The following SLC35F1 variants were observed in gnomAD, a reference collection of about 807,000 sequenced individuals.
The protein encoded by SLC35F1 is solute carrier family 35 member F1.
A neutral mutation model predicts 48.7 loss-of-function variants in SLC35F1; 14 were observed. The ratio of observed to expected loss-of-function variants is 0.29; its 90% CI spans 0.19 to 0.45. The LOEUF is 0.45. SLC35F1 is among the 20% of genes least tolerant of loss of function. SLC35F1 has a pLI of 1.00. For missense variants in SLC35F1, 404 were observed against 500.0 expected (o/e 0.81, Z 1.83); for synonymous variants, 190 against 202.2 (o/e 0.94, Z 0.51).
At chr6:118,182,519 A>AGAGAAGGAAGGAAGGAAGGAAGGAAG (rs1554234198) in intron 2 of SLC35F1, among the ~76,000 whole-genome samples, 18 of 106,308 alleles carry the variant, frequency 1.7e-4, no homozygotes, top group Non-Finnish European at 2.6e-4. Flanking sequence ...AGAGAGAGAG[A>AGAGAAGGAAGGAAGGAAGGAAGGAAG]GAAGGAAGGA....
At chr6:118,095,747 A>C (rs192267776) in intron 1 of SLC35F1, among the ~76,000 whole-genome samples, 1 of 152,294 alleles carries the variant, frequency 6.6e-6, no homozygotes, top group East Asian at 1.9e-4. Context: ...GCCTGAAATT[A>C]TTGGTGATGG....
At chr6:118,081,948 T>C (rs1772914862) in intron 1 of SLC35F1, among the ~76,000 whole-genome samples, 1 of 152,222 alleles carries the variant, frequency 6.6e-6, no homozygotes, top group African/African-American at 2.4e-5. Context: ...CCATAAAAAC[T>C]TTTAAAGACC....
chr6:118,206,239 A>G lies in SLC35F1; in HGVS notation c.350-29270A>G, dbSNP rs988616344. On this transcript the variant is annotated intron_variant, in intron 2 of 7. Coordinates refer to ENST00000360388, the MANE Select transcript of SLC35F1 (RefSeq NM_001029858.4). ...CCACTACACTTTGATTCCCTTTTCT[A>G]TATAGCTGATGGTCTGGTTTTTATG... Among the ~76,000 whole-genome samples the G allele has an allele frequency of 1.4e-4, 21 of 152,178 alleles. 1 individual carries two copies. Among genetic ancestry groups the G allele is most frequent in the Admixed American group, 8.5e-4 (13 of 15,278 alleles).
At chr6:118,250,670 G>T (rs1775561160) in intron 3 of SLC35F1, among the ~76,000 whole-genome samples, 1 of 152,124 alleles carries the variant, frequency 6.6e-6, no homozygotes, top group Admixed American at 6.5e-5. Flanking sequence ...GGAACAACAT[G>T]TAGAAAGAAA....
At chr6:118,233,262 G>A (rs2114580414) in intron 2 of SLC35F1, among the ~76,000 whole-genome samples, 1 of 152,364 alleles carries the variant, frequency 6.6e-6, no homozygotes, top group African/African-American at 2.4e-5. Context: ...ACCGCGCCCA[G>A]CCAGGACTTT....
At chr6:118,285,470 C>A in intron 7 of SLC35F1, 132 bp downstream of exon 7, 1 of 991,040 alleles carries the variant, frequency 1.0e-6, no homozygotes, top group Non-Finnish European at 1.5e-6. Flanking sequence ...TGCTAACCTC[C>A]ATGATTTAGG....
chr6:118,028,341 C>T (rs928140878), intron 1 of SLC35F1, among the ~76,000 whole-genome samples: 2 of 151,798 alleles, frequency 1.3e-5, no homozygotes, highest in East Asian at 1.9e-4. Flanking sequence ...GACTGGGAGG[C>T]TCTGGAGAGG....
chr6:117,930,477 G>C (rs1416857710), intron 1 of SLC35F1, among the ~76,000 whole-genome samples: 2 of 152,104 alleles, frequency 1.3e-5, no homozygotes, highest in Non-Finnish European at 2.9e-5. Flanking sequence ...AAACTATCTA[G>C]AATTTAAATA....
At chr6:117,999,400 A>G in intron 1 of SLC35F1, 3 of 1,586,242 alleles carry the variant, frequency 1.9e-6, no homozygotes, top group Non-Finnish European at 2.6e-6. Context: ...CTTCAGTTCC[A>G]GCTCAGGCTC....
At chr6:118,213,330 T>A (rs892664582) in intron 2 of SLC35F1, among the ~76,000 whole-genome samples, 1 of 152,122 alleles carries the variant, frequency 6.6e-6, no homozygotes, top group African/African-American at 2.4e-5. Flanking sequence ...TTGTTTGTTG[T>A]GAGATAAGCA....
At chr6:117,969,423 C>T (rs190475338) in intron 1 of SLC35F1, among the ~76,000 whole-genome samples, 2 of 151,936 alleles carry the variant, frequency 1.3e-5, no homozygotes, top group East Asian at 1.9e-4. Flanking sequence ...GATTCAGAAA[C>T]GTAATGTATG....
intron 7 of SLC35F1, among the ~76,000 whole-genome samples, chr6:118,309,885 C>T (rs1332007292): frequency 6.6e-6 from 1 of 152,162 alleles, no homozygotes; most frequent in Non-Finnish European, 1.5e-5. Flanking sequence ...CAAGCCACCT[C>T]GTCCTGTATA....
intron 1 of SLC35F1, among the ~76,000 whole-genome samples, chr6:117,961,512 G>C (rs1776498371): frequency 6.6e-6 from 1 of 152,156 alleles, no homozygotes; most frequent in African/African-American, 2.4e-5. Flanking sequence ...GAAGGGAAGT[G>C]ATTTCCAGGA....
chr6:118,139,710 T>G (rs1582688690), intron 1 of SLC35F1, among the ~76,000 whole-genome samples: 1 of 152,334 alleles, frequency 6.6e-6, no homozygotes, highest in East Asian at 1.9e-4. Flanking sequence ...TCCCTGTGTT[T>G]TCTTGCTCCC....
chr6:118,247,573 C>T (rs1434820264), intron 3 of SLC35F1, among the ~76,000 whole-genome samples: 1 of 152,172 alleles, frequency 6.6e-6, no homozygotes, highest in East Asian at 1.9e-4. Context: ...ATACACTAGG[C>T]AATTTCTTAT....
At chr6:118,092,693 G>T (rs768452755) in intron 1 of SLC35F1, among the ~76,000 whole-genome samples, 2 of 152,200 alleles carry the variant, frequency 1.3e-5, no homozygotes, top group Admixed American at 6.5e-5. Flanking sequence ...CCCACCTCTT[G>T]CATCAGTGTG....
At chr6:118,092,728 A>T (rs1476226012) in intron 1 of SLC35F1, among the ~76,000 whole-genome samples, 2 of 152,144 alleles carry the variant, frequency 1.3e-5, no homozygotes, top group Non-Finnish European at 2.9e-5. Context: ...CATGGAGTCA[A>T]ATGAGGTCAT....
intron 2 of SLC35F1, among the ~76,000 whole-genome samples, chr6:118,169,633 C>T (rs1774371530): frequency 6.6e-6 from 1 of 152,160 alleles, no homozygotes. Context: ...CTACTACCAC[C>T]TTTGAACTGC....
At chr6:118,234,734 GA>G (rs1210168787) in intron 2 of SLC35F1, among the ~76,000 whole-genome samples, 1 of 152,134 alleles carries the variant, frequency 6.6e-6, no homozygotes, top group Non-Finnish European at 1.5e-5. Flanking sequence ...CATCCTCTAT[GA>G]AGACCCCACA....
Sources: gnomAD v4.1 joint callset for allele counts (sites outside exome capture counted in the v4.1 genomes callset) on GRCh38, gnomAD v4.1.1 for gene constraint, MANE v1.5 for transcripts, NCBI Gene and HGNC (gene_info 2026-07-23, HGNC 2026-07-21) for gene names.